Variants in HLA-DQA1 observed in about 807,000 individuals in gnomAD.
HLA-DQA1 encodes HLA class II histocompatibility antigen, DQ alpha 1 chain.
HLA-DQA1 carries 10 observed loss-of-function variants against 20.7 expected under a neutral mutation model. The ratio of observed to expected loss-of-function variants is 0.48; its 90% CI spans 0.30 to 0.82. HLA-DQA1 has a LOEUF of 0.82. HLA-DQA1 is among the 40% of genes least tolerant of loss of function. The pLI is 0.07. For synonymous variants in HLA-DQA1, 39 were observed against 109.2 expected, an observed-to-expected ratio of 0.36 and a Z score of 4.01; for missense variants, 127 against 293.0, an observed-to-expected ratio of 0.43 and a Z score of 4.14.
chr6:32,653,837 T>TTTTTTA, the HLA-DQA1 span, among the ~76,000 whole-genome samples: 16 of 93,840 alleles, frequency 1.7e-4, no homozygotes, highest in South Asian at 6.4e-4. Context: ...ATCTTTTACA[T>TTTTTTA]CATTATGTTA....
downstream of HLA-DQA1, among the ~76,000 whole-genome samples, chr6:32,649,837 G>A (rs1782108330): frequency 1.0e-5 from 1 of 95,280 alleles, no homozygotes. Flanking sequence ...ATTGACAAAT[G>A]GGATCTAATT....
chr6:32,653,768 G>T, the HLA-DQA1 span, among the ~76,000 whole-genome samples: 1,566 of 80,404 alleles, frequency 0.019, 77 homozygotes, highest in Admixed American at 0.024. Context: ...CAGATGAGTG[G>T]ATAAAGAAAC....
At chr6:32,655,177 G>A in the HLA-DQA1 span, among the ~76,000 whole-genome samples, 26,064 of 110,656 alleles carry the variant, frequency 0.24, 3,175 homozygotes, top group Middle Eastern at 0.3. Flanking sequence ...GCAGTTATTT[G>A]TCAATTAAAA....
chr6:32,651,147 A>C (rs1333278908), downstream of HLA-DQA1, among the ~76,000 whole-genome samples: 5 of 81,552 alleles, frequency 6.1e-5, 1 homozygote, highest in Admixed American at 7.6e-4. Context: ...TCGGCCTCCC[A>C]AAGTGTTGGG....
chr6:32,641,174 G>A, intron 1 of HLA-DQA1, 136 bp from the exon 2 acceptor site: 1 of 586,926 alleles, frequency 1.7e-6, no homozygotes, highest in Non-Finnish European at 2.9e-6. Context: ...AGGAAGCAGG[G>A]GCTGGAAATG....
chr6:32,641,752 G>C (rs1781439536), intron 2 of HLA-DQA1, among the ~76,000 whole-genome samples, 194 bp downstream of exon 2: 1 of 121,762 alleles, frequency 8.2e-6, no homozygotes, highest in Admixed American at 9.7e-5. Context: ...CCTTCTAGGA[G>C]AGGTCTCATC....
At chr6:32,650,105 A>G (rs1782120099), downstream of HLA-DQA1, among the ~76,000 whole-genome samples, 2 of 98,912 alleles carry the variant, frequency 2.0e-5, 1 homozygote, top group Non-Finnish European at 4.5e-5. Context: ...AATGCTCATC[A>G]TCACTGGTCA....
downstream of HLA-DQA1, chr6:32,645,858 T>TTGTGTGTGTGTGTGTGTGTG (rs9282055): frequency 1.5e-5 from 1 of 67,454 alleles, no homozygotes. Flanking sequence ...TTGTGTGCAT[T>TTGTGTGTGTGTGTGTGTGTG]TGTGTGTGTG....
rs1302208194 is a variant in HLA-DQA1 at position 32,642,896 on chromosome 6, G to GATGATGACACA, written c.*21-55_*21-45dup. 9.0e-6 allele frequency: 7 copies of GATGATGACACA among 776,224 alleles called. 2 individuals carry two copies. The highest frequency in any genetic ancestry group is 1.4e-5 in the Non-Finnish European group (7 of 483,400). 48.1% of individuals were successfully genotyped at this position (776,224 alleles called of 1,614,324 possible). On this transcript the variant is annotated intron_variant, in intron 4 of 4. Transcript: ENST00000343139. ...TTGTAGGGGAATTGGGAAGTGGCAT[G>GATGATGACACA]ATGATGACACAGGAGCCCCCTCGGA...
downstream of HLA-DQA1, chr6:32,646,985 G>T (rs1346038667): frequency 1.7e-5 from 2 of 116,536 alleles, no homozygotes; most frequent in African/African-American, 6.1e-5. Flanking sequence ...TCTAATTTTA[G>T]TGTGGTAATG....
Position 32,642,097 on chromosome 6 carries a change from T to G in HLA-DQA1, c.457T>G (p.Ser153Ala), listed in dbSNP as rs41547417. Residue 153 changes from serine (S) to alanine (A), a missense_variant, in exon 3 of 5, where the codon TCA becomes GCA. Physicochemically the swap from Ser to Ala is moderately conservative, Grantham distance 99. Transcript: ENST00000343139. ...VNITWLSNGQ[S>A]VTEGVSETSF... ...CATCACATGGCTGAGCAATGGGCAG[T>G]CAGTCACAGAAGGTGTTTCTGAGAC... 0.11 allele frequency: 133,388 copies of G among 1,183,178 alleles called. 32,854 individuals are homozygous for G. Among genetic ancestry groups the G allele is most frequent in the East Asian group, 0.26 (8,720 of 33,980 alleles). The allele number at this position is 1,183,178 out of a possible 1,614,324, so 73.3% of individuals were successfully genotyped here.
the HLA-DQA1 span, among the ~76,000 whole-genome samples, chr6:32,653,819 A>G: frequency 1.8e-3 from 170 of 93,294 alleles, no homozygotes; most frequent in Non-Finnish European, 2.3e-3. Flanking sequence ...GTCTTATAAA[A>G]GAAGGAAATC....
chr6:32,638,173 C>T (rs115444659), intron 1 of HLA-DQA1, among the ~76,000 whole-genome samples: 9,186 of 114,390 alleles, frequency 0.08, 1,425 homozygotes, highest in Admixed American at 0.11. Context: ...TGTGGCTAAG[C>T]TTTGTAAATA....
intron 1 of HLA-DQA1, among the ~76,000 whole-genome samples, chr6:32,640,930 T>C (rs28383420): frequency 0.19 from 18,126 of 97,306 alleles, 3,286 homozygotes; most frequent in East Asian, 0.29. Context: ...GAAAGATAAA[T>C]CTCAGGAAGC....
intron 4 of HLA-DQA1, 52 bp downstream of exon 4, chr6:32,642,836 TG>T (rs63429161): frequency 0.013 from 12,951 of 973,672 alleles, 2,542 homozygotes; most frequent in Admixed American, 0.055. Context: ...GGAAGGAAAG[TG>T]GGAGGGCGTT....
At chr6:32,648,088 G>GTT, downstream of HLA-DQA1, among the ~76,000 whole-genome samples, 1 of 142,400 alleles carries the variant, frequency 7.0e-6, no homozygotes, top group Non-Finnish European at 1.5e-5. Context: ...TTGAAGAAAT[G>GTT]TATCTTGAGA....
chr6:32,641,109 T>C (rs36151380), intron 1 of HLA-DQA1, among the ~76,000 whole-genome samples: 2 of 112,838 alleles, frequency 1.8e-5, no homozygotes, highest in African/African-American at 3.2e-5. Context: ...TAGCGCACAC[T>C]AGAGTGGGAA....
downstream of HLA-DQA1, among the ~76,000 whole-genome samples, chr6:32,648,215 C>A (rs1782063597): frequency 1.0e-5 from 1 of 97,544 alleles, no homozygotes; most frequent in Non-Finnish European, 2.3e-5. Flanking sequence ...AAAATTATTA[C>A]AGATTTAATA....
downstream of HLA-DQA1, among the ~76,000 whole-genome samples, chr6:32,649,498 G>T: frequency 2.1e-5 from 2 of 96,540 alleles, 1 homozygote; most frequent in Non-Finnish European, 4.6e-5. Flanking sequence ...TATATAGACT[G>T]ATGGAACAGA....
Sources: allele counts gnomAD v4.1 joint callset (sites outside exome capture counted in the v4.1 genomes callset), GRCh38; gene constraint gnomAD v4.1.1; transcripts MANE v1.5; gene names NCBI Gene and HGNC (gene_info 2026-07-23, HGNC 2026-07-21).